RNF150: variants seen among roughly 807,000 people sequenced by gnomAD.
RNF150 encodes ring finger protein 150.
In RNF150, 24 loss-of-function variants were observed where a neutral mutation model predicts 39.3. The observed-to-expected ratio is 0.61, with a 90% CI of 0.44 to 0.86. The LOEUF (loss-of-function observed/expected upper bound fraction) is 0.86, where lower values mean the gene tolerates loss of function less well. RNF150 is among the 40% of genes least tolerant of loss of function. RNF150 has a pLI of 0.00. For missense variants in RNF150, 502 were observed against 587.8 expected, an observed-to-expected ratio of 0.85 and a Z score of 1.51; for synonymous variants, 255 against 227.3, an observed-to-expected ratio of 1.12 and a Z score of -1.10.
chr4:140,915,643 A>G (rs1162274691), intron 5 of RNF150, among the ~76,000 whole-genome samples: 2 of 152,202 alleles, frequency 1.3e-5, no homozygotes, highest in African/African-American at 4.8e-5. Flanking sequence ...CTGGCCTTTA[A>G]AAATCTTCAG....
intron 1 of RNF150, among the ~76,000 whole-genome samples, chr4:141,122,970 C>T (rs1295480996): frequency 6.6e-6 from 1 of 152,186 alleles, no homozygotes; most frequent in East Asian, 1.9e-4. Context: ...TGTCCTTCTG[C>T]TCATTACTAG....
At chr4:141,164,517 T>A (rs1376221177) in intron 1 of RNF150, among the ~76,000 whole-genome samples, 1 of 151,606 alleles carries the variant, frequency 6.6e-6, no homozygotes, top group East Asian at 1.9e-4. Flanking sequence ...TTCACCAAGG[T>A]TGAAATGAAG....
chr4:140,970,595 AT>A (rs2111431515), intron 1 of RNF150, among the ~76,000 whole-genome samples: 1 of 128,762 alleles, frequency 7.8e-6, no homozygotes, highest in East Asian at 3.0e-4. Flanking sequence ...AGGCAACCAA[AT>A]TTTGGATCTC....
intron 1 of RNF150, among the ~76,000 whole-genome samples, chr4:141,014,699 A>G (rs527490102): frequency 2.0e-5 from 3 of 152,268 alleles, no homozygotes; most frequent in Admixed American, 1.3e-4. Context: ...TTTTCTTGCT[A>G]TTGAGTTGTT....
chr4:140,973,238 AAATAAATTATT>A (rs978823275), intron 1 of RNF150, among the ~76,000 whole-genome samples: 1 of 152,152 alleles, frequency 6.6e-6, no homozygotes, highest in African/African-American at 2.4e-5. Context: ...AACTAGAAAG[AAATAAATTATT>A]CAACAGCAGT....
rs545991293 is a variant in RNF150, at chr4:140,965,936, G to C, written c.735+1687C>G. ...CATCAAAAAACTATGTGAGACAATAGATATGTCAATTTGCTTTACTATATT... is the reference window on the plus strand; with the variant it reads ...CATCAAAAAACTATGTGAGACAATACATATGTCAATTTGCTTTACTATATT... On this transcript the variant is annotated intron_variant, in intron 2 of 6. Coordinates refer to ENST00000515673, the MANE Select transcript of RNF150 (RefSeq NM_020724.2). Among the ~76,000 whole-genome samples, 8 of 152,194 alleles carry C rather than the reference G, an allele frequency of 5.3e-5. No homozygotes were observed. The South Asian group carries it at 1.7e-3, about 32-fold the overall frequency.
At chr4:141,032,617 A>C (rs1402542163) in intron 1 of RNF150, among the ~76,000 whole-genome samples, 1 of 152,164 alleles carries the variant, frequency 6.6e-6, no homozygotes, top group African/African-American at 2.4e-5. Flanking sequence ...TGTGAAAAAA[A>C]AAGAATCTTC....
intron 1 of RNF150, among the ~76,000 whole-genome samples, chr4:141,194,618 C>G (rs967276653): frequency 6.6e-6 from 1 of 152,118 alleles, no homozygotes; most frequent in Non-Finnish European, 1.5e-5. Context: ...TAGGGATGGG[C>G]TGTTATCCAT....
intron 1 of RNF150, among the ~76,000 whole-genome samples, chr4:141,091,246 G>A (rs972057385): frequency 3.3e-5 from 5 of 152,154 alleles, no homozygotes; most frequent in African/African-American, 1.2e-4. Context: ...ACCCAATTAG[G>A]ACTGATGTGA....
chr4:140,941,381 T>C (rs1456803319), intron 4 of RNF150, among the ~76,000 whole-genome samples: 1 of 152,212 alleles, frequency 6.6e-6, no homozygotes, highest in Non-Finnish European at 1.5e-5. Context: ...CAATGGCAAT[T>C]GCACCAGCCA....
intron 1 of RNF150, among the ~76,000 whole-genome samples, chr4:141,070,212 C>T (rs1391293412): frequency 1.3e-5 from 2 of 152,164 alleles, no homozygotes; most frequent in East Asian, 1.9e-4. Context: ...CTTCCTTACA[C>T]CTTATACAAA....
At chr4:140,871,739 G>A (rs1728954418) in intron 6 of RNF150, among the ~76,000 whole-genome samples, 1 of 152,148 alleles carries the variant, frequency 6.6e-6, no homozygotes, top group Non-Finnish European at 1.5e-5. Context: ...CTTCATTCTG[G>A]CTTTGCAGCC....
intron 2 of RNF150, among the ~76,000 whole-genome samples, chr4:140,958,706 G>A (rs544049989): frequency 6.6e-6 from 1 of 152,008 alleles, no homozygotes; most frequent in Non-Finnish European, 1.5e-5. Context: ...GGGTTCTCAG[G>A]GCTGAGTTGA....
chr4:141,191,303 G>A (rs191144906), intron 1 of RNF150, among the ~76,000 whole-genome samples: 5 of 152,236 alleles, frequency 3.3e-5, no homozygotes, highest in East Asian at 3.9e-4. Flanking sequence ...GGCTGACACC[G>A]CCTCACTCAG....
chr4:141,093,552 G>A (rs1023853822), intron 1 of RNF150, among the ~76,000 whole-genome samples: 2 of 152,142 alleles, frequency 1.3e-5, no homozygotes, highest in Admixed American at 6.5e-5. Flanking sequence ...CCCACCACAG[G>A]CACAGATTTA....
rs1560696593 is a variant in RNF150, at chr4:141,027,912, G to GTTTTTTGTT, written c.485-60040_485-60039insAACAAAAAA. Among the ~76,000 whole-genome samples the GTTTTTTGTT allele has an allele frequency of 5.9e-4, 16 of 27,104 alleles. 2 individuals are homozygous for GTTTTTTGTT. The highest frequency in any genetic ancestry group is 8.6e-4 in the Non-Finnish European group (10 of 11,596). The allele number at this position is 27,104 out of a possible 152,430, so 17.8% of individuals were successfully genotyped here. On this transcript the variant is annotated intron_variant, in intron 1 of 6. Coordinates refer to ENST00000515673, the MANE Select transcript of RNF150 (RefSeq NM_020724.2). ...TAGATAGTTAATGAGCTTGGAATTT[G>GTTTTTTGTT]TTTTTTTTTTTTTGTTTTTTTTTTT...
chr4:141,121,459 TA>T, intron 1 of RNF150, among the ~76,000 whole-genome samples: 1 of 152,182 alleles, frequency 6.6e-6, no homozygotes. Context: ...TCCTACTTGG[TA>T]AAAACAGCAC....
intron 2 of RNF150, among the ~76,000 whole-genome samples, chr4:140,963,360 A>G (rs1733112185): frequency 6.6e-6 from 1 of 152,088 alleles, no homozygotes; most frequent in Admixed American, 6.6e-5. Flanking sequence ...GCTCGAGTGC[A>G]GTGTTACCCA....
intron 1 of RNF150, among the ~76,000 whole-genome samples, chr4:140,974,162 C>T (rs1733572360): frequency 6.6e-6 from 1 of 152,126 alleles, no homozygotes; most frequent in African/African-American, 2.4e-5. Context: ...ATTCCACCAT[C>T]AATAAGAAAT....
Sources: allele counts gnomAD v4.1 joint callset (sites outside exome capture counted in the v4.1 genomes callset), GRCh38; gene constraint gnomAD v4.1.1; transcripts MANE v1.5; gene names NCBI Gene and HGNC (gene_info 2026-07-23, HGNC 2026-07-21).